The following LYST variants were observed in gnomAD, a reference collection of about 807,000 sequenced individuals.
The protein encoded by LYST is lysosomal-trafficking regulator.
Under a neutral mutation model 413.6 loss-of-function variants are expected in LYST, and 192 were observed. The observed-to-expected ratio is 0.46, with a 90% CI of 0.41 to 0.52. LYST has a LOEUF of 0.52. Ranked by LOEUF, LYST falls within the 20% of genes least tolerant of loss-of-function variation. LYST has a pLI of 0.00. For synonymous variants in LYST, 1,525 were observed against 1,567.3 expected, an observed-to-expected ratio of 0.97 and a Z score of 0.64; for missense variants, 3,815 against 4,499.9, an observed-to-expected ratio of 0.85 and a Z score of 4.35.
At chr1:235,830,060 A>C in intron 3 of LYST, 166 bp downstream of exon 3, 1 of 601,622 alleles carries the variant, frequency 1.7e-6, no homozygotes, top group Non-Finnish European at 2.9e-6. Context: ...AAAGTATTCA[A>C]ATAAACAATA....
At chr1:235,752,278 C>T in intron 26 of LYST, 107 bp from the exon 27 acceptor site, 1 of 782,206 alleles carries the variant, frequency 1.3e-6, no homozygotes, top group Non-Finnish European at 2.1e-6. Flanking sequence ...GTTCGACCAG[C>T]TTGCACTCAT....
chr1:235,876,654 T>C (rs1008732122), intron 1 of LYST, among the ~76,000 whole-genome samples: 3 of 152,254 alleles, frequency 2.0e-5, no homozygotes, highest in East Asian at 1.9e-4. Context: ...ATGTGCCCTA[T>C]GATGTGACAT....
At position 235,801,041 on chromosome 1, in the gene LYST, A is replaced by G. The variant is rs2102825112; in HGVS notation, c.3769T>C (p.Leu1257=). The part of the protein sequence containing the change: ...GFSASSSPND[L]LENLTQGEII... ...TCCCCTTGAGTGAGGTTTTCGAGTAAGTCATTTGGACTGCTTGATGCACTG... is the reference window on the plus strand; with the variant it reads ...TCCCCTTGAGTGAGGTTTTCGAGTAGGTCATTTGGACTGCTTGATGCACTG... Residue 1257 remains leucine, a synonymous_variant, in exon 9 of 53, where the codon TTA becomes CTA. Transcript: ENST00000389793. The G allele has an allele frequency of 6.2e-7, 1 of 1,613,704 alleles. No homozygotes were observed. The highest frequency in any genetic ancestry group is 1.7e-5 in the Admixed American group (1 of 60,014).
At chr1:235,831,083 C>T (rs1675918344) in intron 2 of LYST, among the ~76,000 whole-genome samples, 1 of 152,162 alleles carries the variant, frequency 6.6e-6, no homozygotes, top group African/African-American at 2.4e-5. Flanking sequence ...CCATGAACAA[C>T]GAAATCCCCA....
chr1:235,663,180 T>G, intron 52 of LYST, 102 bp from the exon 53 acceptor site: 3 of 806,034 alleles, frequency 3.7e-6, no homozygotes, highest in Non-Finnish European at 6.4e-6. Context: ...TTATCTTCAG[T>G]GGCGCAGAGA....
At chr1:235,827,574 A>G in intron 3 of LYST, 1 of 981,520 alleles carries the variant, frequency 1.0e-6, no homozygotes, top group Non-Finnish European at 1.2e-6. Flanking sequence ...ATTCCCCTTA[A>G]AAACTCAAAC....
intron 1 of LYST, among the ~76,000 whole-genome samples, chr1:235,862,901 A>T (rs1351810000): frequency 1.3e-5 from 2 of 151,914 alleles, no homozygotes; most frequent in East Asian, 3.8e-4. Context: ...TGCTCGGCTC[A>T]TGAGAACACT....
chr1:235,750,168 T>C (rs943557814), intron 28 of LYST, among the ~76,000 whole-genome samples: 29 of 152,214 alleles, frequency 1.9e-4, no homozygotes, highest in African/African-American at 6.7e-4. Context: ...CTAGAACTGA[T>C]AAAGAATCTG....
intron 3 of LYST, among the ~76,000 whole-genome samples, chr1:235,813,961 G>A (rs959750840): frequency 6.6e-6 from 1 of 152,182 alleles, no homozygotes; most frequent in African/African-American, 2.4e-5. Context: ...GTTAGAGGCA[G>A]GGTAACAATA....
Position 235,810,202 on chromosome 1 carries a change from C to G in LYST, c.616G>C (p.Asp206His). Residue 206 changes from aspartate to histidine, a missense_variant, in exon 5 of 53, where the codon GAC becomes CAC. Asp to His is a moderately conservative substitution (Grantham distance 81). This residue lies in a region of LYST where 1,648 missense variants were observed against 1,810.3 expected (regional missense o/e 0.91). Transcript: ENST00000389793. ...GTCTGTTCTTTGGTTGCTAAGCGGT[C>G]AAGTTTAGCTTTGGGGTGGTCTTGT... ...PKQDHPKAKL[D>H]RLATKEQTPP... 6.2e-7 allele frequency: 1 copy of G among 1,614,000 alleles called. No individual in the cohort carries two copies. The highest frequency in any genetic ancestry group is 8.5e-7 in the Non-Finnish European group (1 of 1,179,954).
intron 46 of LYST, among the ~76,000 whole-genome samples, chr1:235,695,862 C>G (rs2103082542): frequency 6.6e-6 from 1 of 152,172 alleles, no homozygotes; most frequent in African/African-American, 2.4e-5. Flanking sequence ...GTCTCGATCT[C>G]CTGACTTCGT....
In LYST at chr1:235,792,006, T is replaced by C; in HGVS notation, c.4236A>G (p.Gln1412=). 6.2e-7 allele frequency: 1 copy of C among 1,614,138 alleles called. No individual in the cohort carries two copies. Among genetic ancestry groups the C allele is most frequent in the African/African-American group, 1.3e-5 (1 of 75,040 alleles). Residue 1412 remains glutamine (Q), a synonymous_variant, in exon 12 of 53, where the codon CAA becomes CAG. Coordinates refer to ENST00000389793, the MANE Select transcript of LYST (RefSeq NM_000081.4). ...TACTGTTTAAAATCCCAGGATACTT[T>C]TGTGATGAAACACCGTTGCTTAAAT... The part of the protein sequence containing the change: ...APNLSNGVSS[Q]KYPGILNSKA...
intron 25 of LYST, among the ~76,000 whole-genome samples, chr1:235,755,193 G>A (rs539199379): frequency 6.7e-6 from 1 of 148,472 alleles, no homozygotes; most frequent in East Asian, 2.1e-4. Flanking sequence ...TTTGAGACCA[G>A]CCTGGCCAAC....
chr1:235,734,742 G>T, intron 31 of LYST, 83 bp from the exon 32 acceptor site: 1 of 888,928 alleles, frequency 1.1e-6, no homozygotes, highest in Non-Finnish European at 1.7e-6. Context: ...AAATTATATT[G>T]CTAGATTTAT....
chr1:235,832,998 T>G (rs1039261676), intron 2 of LYST, among the ~76,000 whole-genome samples: 1 of 152,066 alleles, frequency 6.6e-6, no homozygotes, highest in Non-Finnish European at 1.5e-5. Flanking sequence ...TATTATTTTG[T>G]TTTGAATTTC....
At position 235,677,423 on chromosome 1, in the gene LYST, T is replaced by A. The variant is rs1178648656; in HGVS notation, c.10940+57A>T. ...ATTATTTTGGTTTATCTATTTCATATAGTAAAAATGGATATATTAAAAATG... is the reference window on the plus strand; with the variant it reads ...ATTATTTTGGTTTATCTATTTCATAAAGTAAAAATGGATATATTAAAAATG... On this transcript the variant is annotated intron_variant, in intron 49 of 52. Transcript: ENST00000389793. 3.9e-6 allele frequency: 6 copies of A among 1,554,528 alleles called. No individual in the cohort carries two copies. In the East Asian group the frequency reaches 1.3e-4, roughly 35 times the overall value.
In LYST at chr1:235,714,973, A is replaced by C. The variant is rs577951947; in HGVS notation, c.9784+228T>G. On this transcript the variant is annotated intron_variant, in intron 42 of 52. Transcript: ENST00000389793. ...TTTTTAAAAAGTGAATTGCATTTTT[A>C]TAAACTTAGACATTTAATTTGAAGC... Among the ~76,000 whole-genome samples, 2 of 152,360 alleles carry C rather than the reference A, an allele frequency of 1.3e-5. 1 individual carries two copies. The highest frequency in any genetic ancestry group is 4.8e-5 in the African/African-American group (2 of 41,586).
intron 31 of LYST, chr1:235,739,004 A>G: frequency 1.4e-6 from 1 of 701,892 alleles, no homozygotes; most frequent in Non-Finnish European, 2.7e-6. Flanking sequence ...TTCTGATGTC[A>G]TACTATTTCA....
chr1:235,690,457 T>C (rs1660559008), intron 47 of LYST, among the ~76,000 whole-genome samples: 1 of 152,226 alleles, frequency 6.6e-6, no homozygotes, highest in African/African-American at 2.4e-5. Context: ...TTTGGATATA[T>C]ATATTTCTAT....
Sources: gnomAD v4.1 joint callset for allele counts (sites outside exome capture counted in the v4.1 genomes callset) on GRCh38, gnomAD v4.1.1 for gene constraint, gnomAD v4.1.1 regional missense constraint, MANE v1.5 for transcripts, NCBI Gene and HGNC (gene_info 2026-07-23, HGNC 2026-07-21) for gene names.